Variants in CLECL1 observed in about 807,000 individuals in gnomAD.
CLECL1 encodes the protein C-type lectin like 1.
At chr12:9,722,075 A>G (rs1036043274), downstream of CLECL1, among the ~76,000 whole-genome samples, 5 of 152,204 alleles carry the variant, frequency 3.3e-5, no homozygotes, top group Admixed American at 6.5e-5. Context: ...TGATTCTAAC[A>G]TACTGAGCCC....
downstream of CLECL1, among the ~76,000 whole-genome samples, chr12:9,719,512 C>T (rs765951018): frequency 4.6e-5 from 7 of 152,122 alleles, no homozygotes; most frequent in Middle Eastern, 3.2e-3. Flanking sequence ...GGCGAAAGAG[C>T]GAGACTTTGT....
At chr12:9,707,402 T>G in the CLECL1 span, among the ~76,000 whole-genome samples, 1 of 152,198 alleles carries the variant, frequency 6.6e-6, no homozygotes, top group Non-Finnish European at 1.5e-5. Flanking sequence ...CCAAGATTTC[T>G]TAAATGTTTA....
chr12:9,731,525 T>C (rs1368992496), intron 1 of CLECL1, among the ~76,000 whole-genome samples: 3 of 152,182 alleles, frequency 2.0e-5, no homozygotes, highest in Admixed American at 2.0e-4. Flanking sequence ...ACTCTGTATG[T>C]AAGACAACAA....
downstream of CLECL1, among the ~76,000 whole-genome samples, chr12:9,721,437 T>C (rs1166925333): frequency 1.3e-5 from 2 of 152,242 alleles, no homozygotes; most frequent in African/African-American, 4.8e-5. Context: ...AACAATTGTG[T>C]CTGACTCATA....
At chr12:9,727,617 T>C (rs933415578) in exon 3 of CLECL1, among the ~76,000 whole-genome samples, 2 of 151,808 alleles carry the variant, frequency 1.3e-5, no homozygotes, top group Non-Finnish European at 3.0e-5. Flanking sequence ...TTTTCTCTTT[T>C]GGCTCATTAT....
chr12:9,716,807 G>T (rs1157772461), intron 2 of CLECL1: 2 of 1,226,414 alleles, frequency 1.6e-6, no homozygotes, highest in Admixed American at 2.3e-5. Flanking sequence ...AAAATAATGA[G>T]ATATCATTCC....
downstream of CLECL1, chr12:9,718,677 T>A (rs911524031): frequency 8.6e-6 from 6 of 698,382 alleles, no homozygotes; most frequent in Non-Finnish European, 1.6e-5. Context: ...TCCAATCTGA[T>A]AATGTCCTTA....
At chr12:9,733,363 A>G (rs1866478482), upstream of CLECL1, 1 of 794,486 alleles carries the variant, frequency 1.3e-6, no homozygotes, top group Non-Finnish European at 2.0e-6. Flanking sequence ...TTTCTCCTAT[A>G]GACCACTTCC....
At chr12:9,705,856 G>A in the CLECL1 span, among the ~76,000 whole-genome samples, 1 of 152,030 alleles carries the variant, frequency 6.6e-6, no homozygotes, top group African/African-American at 2.4e-5. Flanking sequence ...TGCTGTTTTT[G>A]CTTAATATTA....
At chr12:9,731,011 A>G (rs75941881) in intron 1 of CLECL1, among the ~76,000 whole-genome samples, 1,651 of 152,324 alleles carry the variant, frequency 0.011, 28 homozygotes, top group African/African-American at 0.034. Flanking sequence ...AATATGACGA[A>G]CTGAAATTAT....
intron 2 of CLECL1, chr12:9,716,924 G>C (rs1866245270): frequency 5.6e-6 from 2 of 360,084 alleles, no homozygotes; most frequent in Admixed American, 3.7e-5. Flanking sequence ...ACACCCCCAC[G>C]TCCTTCTGTG....
upstream of CLECL1, chr12:9,733,078 A>C (rs757815843): frequency 6.2e-7 from 1 of 1,612,674 alleles, no homozygotes; most frequent in African/African-American, 1.3e-5. Flanking sequence ...GTCCCACTGA[A>C]GGGACAATCA....
At chr12:9,716,681 A>T in exon 3 of CLECL1, 1 of 727,806 alleles carries the variant, frequency 1.4e-6, no homozygotes, top group Middle Eastern at 3.1e-4. Flanking sequence ...TCCTAAGAAG[A>T]CCCCAGAGAC....
intron 1 of CLECL1, among the ~76,000 whole-genome samples, chr12:9,730,652 T>G (rs1284488322): frequency 2.6e-5 from 4 of 152,188 alleles, no homozygotes; most frequent in Admixed American, 6.5e-5. Flanking sequence ...ACAGAAAGAA[T>G]GTGGTGATGT....
chr12:9,725,030 G>T (rs1041997339), intron 3 of CLECL1, among the ~76,000 whole-genome samples: 1 of 152,050 alleles, frequency 6.6e-6, no homozygotes, highest in Non-Finnish European at 1.5e-5. Flanking sequence ...TCTTTAAATT[G>T]TCAAAGGAAA....
chr12:9,714,158 G>A (rs188324549), downstream of CLECL1, among the ~76,000 whole-genome samples: 39 of 152,260 alleles, frequency 2.6e-4, 1 homozygote, highest in East Asian at 6.4e-3. Context: ...TGTATGATTC[G>A]GTTGAGCATG....
downstream of CLECL1, among the ~76,000 whole-genome samples, chr12:9,717,868 G>GTT (rs776897374): frequency 6.7e-6 from 1 of 149,046 alleles, no homozygotes; most frequent in East Asian, 2.0e-4. Flanking sequence ...TTCTTTTTCT[G>GTT]TTTTTTTTTC....
chr12:9,723,459 C>T (rs1401027996), intron 3 of CLECL1, among the ~76,000 whole-genome samples: 7 of 33,322 alleles, frequency 2.1e-4, no homozygotes, highest in African/African-American at 3.4e-4. Context: ...CACACACACA[C>T]GCACGCACAC....
chr12:9,718,738 G>A (rs2121041664), downstream of CLECL1: 2 of 701,312 alleles, frequency 2.9e-6, no homozygotes, highest in East Asian at 5.4e-5. Flanking sequence ...ACACATTGAA[G>A]AAATGCCATT....
Sources: gnomAD v4.1 joint callset for allele counts (sites outside exome capture counted in the v4.1 genomes callset) on GRCh38, gnomAD v4.1.1 for gene constraint, MANE v1.5 for transcripts, NCBI Gene and HGNC (gene_info 2026-07-23, HGNC 2026-07-21) for gene names.